The following IPO11 variants were observed in gnomAD, a reference collection of about 807,000 sequenced individuals.
IPO11 encodes importin-11.
In IPO11, 66 loss-of-function variants were observed where a neutral mutation model predicts 143.2. The ratio of observed to expected loss-of-function variants is 0.46; its 90% CI spans 0.38 to 0.57. The LOEUF (loss-of-function observed/expected upper bound fraction) is 0.57. Among genes scored for constraint, IPO11 ranks in the 20% least tolerant of loss-of-function variants. The probability of loss-of-function intolerance (pLI) is 0.00; values close to 1 mark genes in which losing one functional copy is unlikely to be tolerated. For missense variants in IPO11, 1,026 were observed against 1,141.0 expected (o/e 0.90, Z 1.45); for synonymous variants, 385 against 377.8 (o/e 1.02, Z -0.22).
chr5:62,530,996 G>C (rs749112493), intron 22 of IPO11, among the ~76,000 whole-genome samples: 4 of 152,162 alleles, frequency 2.6e-5, no homozygotes, highest in Non-Finnish European at 5.9e-5. Flanking sequence ...AGTGAACATA[G>C]TACCTAATAG....
intron 1 of IPO11, 132 bp from the exon 2 acceptor site, chr5:62,437,142 A>G: frequency 1.7e-6 from 1 of 585,028 alleles, no homozygotes; most frequent in South Asian, 3.8e-5. Flanking sequence ...GAAAAGATAG[A>G]AAGGCAGAAC....
chr5:62,470,785 T>A (rs1745737656), intron 7 of IPO11, among the ~76,000 whole-genome samples: 1 of 150,812 alleles, frequency 6.6e-6, no homozygotes, highest in Admixed American at 6.6e-5. Flanking sequence ...TAAGTTGTGA[T>A]ATATATTCAT....
Position 62,565,804 on chromosome 5 carries a change from G to C in IPO11, c.2582+4547G>C, listed in dbSNP as rs186946055. 8.3e-5 allele frequency among the ~76,000 whole-genome samples: 12 copies of C among 144,364 alleles called. No individual in the cohort carries two copies. The South Asian group carries it at 1.3e-3, about 16-fold the overall frequency. The allele number at this position is 144,364 out of a possible 152,430, so 94.7% of individuals were successfully genotyped here. A position where few individuals can be genotyped will look rare whatever the true frequency, so the allele number is the denominator to read the frequency against. On this transcript the variant is annotated intron_variant, in intron 27 of 29. Transcript: ENST00000325324. ...ACCCCCTACCCCCCCAACTGGCCCT[G>C]GTGTGTGTTGCTCCCCTCCTTGTGT...
At chr5:62,616,946 G>A (rs1746164476) in intron 29 of IPO11, among the ~76,000 whole-genome samples, 2 of 149,670 alleles carry the variant, frequency 1.3e-5, no homozygotes, top group African/African-American at 5.1e-5. Flanking sequence ...TGAGGACACT[G>A]ACTGACCCAT....
intron 5 of IPO11, among the ~76,000 whole-genome samples, chr5:62,460,172 C>T (rs1338507737): frequency 6.6e-6 from 1 of 152,022 alleles, no homozygotes; most frequent in Non-Finnish European, 1.5e-5. Flanking sequence ...AATTTAATAT[C>T]ATTTAATACT....
rs191495121 is a variant in IPO11 at position 62,509,873 on chromosome 5, C to T, written c.1782+3516C>T. 4.8e-3 allele frequency among the ~76,000 whole-genome samples: 727 copies of T among 152,224 alleles called. 3 individuals carry two copies. Among genetic ancestry groups the T allele is most frequent in the Non-Finnish European group, 7.6e-3 (520 of 68,016 alleles). ...GTAAACATGGTAGTGCTAATAATTT[C>T]TTTGGGATCCTGATTTCAGTTCTTT... On this transcript the variant is annotated intron_variant, in intron 19 of 29. Coordinates refer to ENST00000325324, the MANE Select transcript of IPO11 (RefSeq NM_016338.5).
intron 5 of IPO11, among the ~76,000 whole-genome samples, chr5:62,458,355 C>T: frequency 3.7e-5 from 1 of 27,190 alleles, no homozygotes; most frequent in South Asian, 2.0e-3. Context: ...GGCTGGAGTG[C>T]AGTGGTGCAA....
At chr5:62,523,208 T>C (rs1742259036) in intron 20 of IPO11, among the ~76,000 whole-genome samples, 1 of 152,252 alleles carries the variant, frequency 6.6e-6, no homozygotes, top group Non-Finnish European at 1.5e-5. Context: ...TTTAGTTCTT[T>C]TTTTTTAAAT....
intron 12 of IPO11, among the ~76,000 whole-genome samples, chr5:62,485,984 CTTTT>C (rs746289007): frequency 7.7e-6 from 1 of 130,256 alleles, no homozygotes. Flanking sequence ...TTTTCTTTTT[CTTTT>C]TTTTTTTTTT....
rs200365074 is a variant in IPO11 at position 62,535,675 on chromosome 5, AG to A, written c.2090-1024del. Reference sequence around the variant, plus strand: ...AATGCCTTCAGAGACATTTTGAGACAGGGTAGGATTGTCATTCTTTTGTGAA... The same window carrying A: ...AATGCCTTCAGAGACATTTTGAGACAGGTAGGATTGTCATTCTTTTGTGAA... On this transcript the variant is annotated intron_variant, in intron 22 of 29. Transcript: ENST00000325324. Among the ~76,000 whole-genome samples, 690 of 152,240 alleles carry A rather than the reference AG, an allele frequency of 4.5e-3. 5 individuals are homozygous for A. Among genetic ancestry groups the A allele is most frequent in the African/African-American group, 0.016 (647 of 41,570 alleles).
At chr5:62,455,492 C>T (rs1300523013) in intron 5 of IPO11, among the ~76,000 whole-genome samples, 1 of 152,182 alleles carries the variant, frequency 6.6e-6, no homozygotes, top group Non-Finnish European at 1.5e-5. Flanking sequence ...CACTATACTC[C>T]AGCCTAGACG....
chr5:62,605,344 C>T (rs973752030), intron 29 of IPO11, among the ~76,000 whole-genome samples: 4 of 152,128 alleles, frequency 2.6e-5, no homozygotes, highest in Admixed American at 6.5e-5. Context: ...TCTGAGAATT[C>T]TCTATATTTT....
chr5:62,526,036 T>G, intron 20 of IPO11, 106 bp from the exon 21 acceptor site: 1 of 694,854 alleles, frequency 1.4e-6, no homozygotes, highest in South Asian at 1.7e-5. Flanking sequence ...AAAATATGAT[T>G]CATTTTTTTA....
chr5:62,474,485 C>A (rs149573335), intron 8 of IPO11, 21 bp downstream of exon 8: 3 of 1,543,088 alleles, frequency 1.9e-6, no homozygotes, highest in Non-Finnish European at 2.6e-6. Flanking sequence ...TCGTTGCAGT[C>A]CTTTTTACTG....
At chr5:62,468,640 A>G (rs1002550272) in intron 6 of IPO11, among the ~76,000 whole-genome samples, 2 of 152,186 alleles carry the variant, frequency 1.3e-5, no homozygotes, top group South Asian at 2.1e-4. Context: ...AATGATTAAG[A>G]AATTTTCAAG....
At chr5:62,534,499 A>T (rs1388586248) in intron 22 of IPO11, among the ~76,000 whole-genome samples, 1 of 152,232 alleles carries the variant, frequency 6.6e-6, no homozygotes, top group African/African-American at 2.4e-5. Context: ...AAAAGCAAAT[A>T]GTAGATTATA....
At chr5:62,513,812 G>A (rs1252837005) in intron 19 of IPO11, among the ~76,000 whole-genome samples, 2,845 of 147,248 alleles carry the variant, frequency 0.019, no homozygotes, top group African/African-American at 0.068. Flanking sequence ...GCAGCCAGGC[G>A]GAGGGGCTCC....
At chr5:62,462,904 T>C (rs1745418252) in intron 5 of IPO11, among the ~76,000 whole-genome samples, 1 of 150,220 alleles carries the variant, frequency 6.7e-6, no homozygotes, top group African/African-American at 2.5e-5. Flanking sequence ...TTTCAGTGAG[T>C]CTGGCATGTA....
intron 19 of IPO11, 140 bp downstream of exon 19, chr5:62,506,497 T>C (rs1168658043): frequency 1.9e-6 from 1 of 516,704 alleles, no homozygotes; most frequent in Admixed American, 3.2e-5. Flanking sequence ...GTTTCAGTTA[T>C]GTATTATTCA....
Sources: allele counts gnomAD v4.1 joint callset (sites outside exome capture counted in the v4.1 genomes callset), GRCh38; gene constraint gnomAD v4.1.1; transcripts MANE v1.5; gene names NCBI Gene and HGNC (gene_info 2026-07-23, HGNC 2026-07-21).